TMEM43: variants seen among roughly 807,000 people sequenced by gnomAD.
TMEM43 encodes the protein transmembrane protein 43.
Under a neutral mutation model 49.6 loss-of-function variants are expected in TMEM43, and 45 were observed. The ratio of observed to expected loss-of-function variants is 0.91; its 90% CI spans 0.71 to 1.16. The LOEUF (loss-of-function observed/expected upper bound fraction) is 1.16, where lower values mean the gene tolerates loss of function less well. Among genes scored for constraint, TMEM43 ranks in the 50% most tolerant of loss-of-function variants. The pLI is 0.00. For synonymous variants in TMEM43, 199 were observed against 207.8 expected (o/e 0.96, Z 0.36); for missense variants, 532 against 516.6 (o/e 1.03, Z -0.29).
chr3:14,132,823 C>G, intron 5 of TMEM43, 43 bp from the exon 6 acceptor site: 1 of 1,593,038 alleles, frequency 6.3e-7, no homozygotes, highest in Non-Finnish European at 8.6e-7. Flanking sequence ...CAGCCGCGTG[C>G]CACTCCTACC....
Position 14,129,675 on chromosome 3 carries a change from G to A in TMEM43, c.162+114G>A. ...ATCAAGGGCCTAGATTTTAAAAAGA[G>A]AAAGGAGGATACTGAGTTAATCACA... On this transcript the variant is annotated intron_variant, in intron 2 of 11. Coordinates refer to ENST00000306077, the MANE Select transcript of TMEM43 (RefSeq NM_024334.3). 3 of 1,161,350 alleles carry A rather than the reference G, an allele frequency of 2.6e-6. No individual in the cohort carries two copies. The South Asian group carries it at 3.9e-5, about 15-fold the overall frequency. 71.9% of individuals were successfully genotyped at this position (1,161,350 alleles called of 1,614,324 possible). A position where few individuals can be genotyped will look rare whatever the true frequency, so the allele number is the denominator to read the frequency against.
At chr3:14,138,121 G>A (rs1336633272) in intron 10 of TMEM43, among the ~76,000 whole-genome samples, 3 of 152,176 alleles carry the variant, frequency 2.0e-5, no homozygotes, top group Non-Finnish European at 4.4e-5. Flanking sequence ...AGAGGGTCAG[G>A]GAAAGCCCTC....
In TMEM43 at chr3:14,125,154, C is replaced by A; in HGVS notation, c.-40C>A. 6.2e-7 allele frequency: 1 copy of A among 1,608,804 alleles called. No individual in the cohort carries two copies. The stretch of plus-strand genomic sequence containing the variant: ...CTCCAGTCGTCAGCCCACTTCCTAG[C>A]TGAACAGCGCGAGGCGGCGGCAGCG... On this transcript the variant is annotated 5_prime_UTR_variant, in exon 1 of 12. The change creates a new upstream start codon in the 5' untranslated region. Coordinates refer to ENST00000306077, the MANE Select transcript of TMEM43 (RefSeq NM_024334.3).
At chr3:14,133,688 G>A (rs746029662) in intron 6 of TMEM43, 51 bp from the exon 7 acceptor site, 21 of 1,575,266 alleles carry the variant, frequency 1.3e-5, no homozygotes, top group Non-Finnish European at 1.7e-5. Flanking sequence ...AAAGGGACCC[G>A]GGCAGCTCCC....
chr3:14,129,577 T>C lies in TMEM43; in HGVS notation c.162+16T>C. On this transcript the variant is annotated intron_variant, in intron 2 of 11. Transcript: ENST00000306077. The stretch of plus-strand genomic sequence containing the variant: ...CACCAATGAGGTAAAATGTCTGGGG[T>C]CTTCCTGTGCAGAGTGAGAGTCCCC... 1 of 1,613,890 alleles carries C rather than the reference T, an allele frequency of 6.2e-7. No homozygotes were observed. Among genetic ancestry groups the C allele is most frequent in the South Asian group, 1.1e-5 (1 of 91,052 alleles).
rs1559364382 is a variant in TMEM43 at position 14,143,490 on chromosome 3, T to C, written c.*1695T>C. ...GCTTTCGGAAAACACGCTGTATACC[T>C]AGATGATGACTAAATGCAAAATCCT... On this transcript the variant is annotated 3_prime_UTR_variant, in exon 12 of 12. Coordinates refer to ENST00000306077, the MANE Select transcript of TMEM43 (RefSeq NM_024334.3). 6.6e-6 allele frequency: 1 copy of C among 152,250 alleles called. No homozygotes were observed. The highest frequency in any genetic ancestry group is 2.4e-5 in the African/African-American group (1 of 41,464). 9.4% of individuals were successfully genotyped at this position (152,250 alleles called of 1,614,324 possible). A position where few individuals can be genotyped will look rare whatever the true frequency, so the allele number is the denominator to read the frequency against.
chr3:14,135,766 G>T (rs766940580), intron 9 of TMEM43, 41 bp from the exon 10 acceptor site: 2 of 1,572,076 alleles, frequency 1.3e-6, no homozygotes, highest in Non-Finnish European at 1.7e-6. Context: ...CGTGTCTCCC[G>T]CTGGTCACCC....
intron 1 of TMEM43, among the ~76,000 whole-genome samples, chr3:14,126,910 C>G (rs144065756): frequency 6.6e-6 from 1 of 152,304 alleles, no homozygotes; most frequent in Non-Finnish European, 1.5e-5. Context: ...TACTATTCCC[C>G]TCTCCACTTT....
chr3:14,143,451 A>G lies in TMEM43; in HGVS notation c.*1656A>G, dbSNP rs989356922. 1 of 152,240 alleles carries G rather than the reference A, an allele frequency of 6.6e-6. No homozygotes were observed. Among genetic ancestry groups the G allele is most frequent in the Non-Finnish European group, 1.5e-5 (1 of 68,044 alleles). The allele number at this position is 152,240 out of a possible 1,614,324, so 9.4% of individuals were successfully genotyped here. A position where few individuals can be genotyped will look rare whatever the true frequency, so the allele number is the denominator to read the frequency against. On this transcript the variant is annotated 3_prime_UTR_variant, in exon 12 of 12. Transcript: ENST00000306077. Reference sequence around the variant, plus strand: ...CATGAGCAATTTCATCAAATCTCCAAACTCTTAAAGGATGCTTTCGGAAAA... The same window carrying G: ...CATGAGCAATTTCATCAAATCTCCAGACTCTTAAAGGATGCTTTCGGAAAA...
Position 14,130,813 on chromosome 3 carries a change from T to A in TMEM43, c.163-9T>A. 6.2e-7 allele frequency: 1 copy of A among 1,613,592 alleles called. No homozygotes were observed. On this transcript the variant is annotated splice_polypyrimidine_tract_variant and intron_variant, in intron 2 of 11. Transcript: ENST00000306077. ...AGCTGTTGAAATCCCCACTCCCCTT[T>A]GCTCCCAGGGCCGCGCATTGAAGAC...
intron 1 of TMEM43, among the ~76,000 whole-genome samples, chr3:14,126,849 A>T (rs1695027724): frequency 6.6e-6 from 1 of 152,228 alleles, no homozygotes; most frequent in Admixed American, 6.5e-5. Context: ...TGGAGCAGGG[A>T]GGCAACAAAA....
chr3:14,126,760 A>G (rs544943797), intron 1 of TMEM43, among the ~76,000 whole-genome samples: 16 of 152,316 alleles, frequency 1.1e-4, no homozygotes, highest in Non-Finnish European at 2.1e-4. Flanking sequence ...CTCTGCTGCC[A>G]AGCATTTTTT....
Position 14,133,610 on chromosome 3 carries a change from G to A in TMEM43, c.513-129G>A, listed in dbSNP as rs1695127246. The A allele has an allele frequency of 3.5e-5, 30 of 854,526 alleles. No homozygotes were observed. The South Asian group carries it at 4.0e-4, about 11-fold the overall frequency. 52.9% of individuals were successfully genotyped at this position (854,526 alleles called of 1,614,324 possible). On this transcript the variant is annotated intron_variant, in intron 6 of 11. Transcript: ENST00000306077. ...TGGGGGTGGACAGGACAAGATGTCT[G>A]CTGCGCCTGGGCTAATCTGGACTTG...
At chr3:14,138,738 G>T (rs901158918) in intron 10 of TMEM43, among the ~76,000 whole-genome samples, 2 of 152,240 alleles carry the variant, frequency 1.3e-5, no homozygotes, top group Non-Finnish European at 2.9e-5. Flanking sequence ...GCATCTAATG[G>T]ACAGGAAGAG....
At chr3:14,134,997 C>G in intron 8 of TMEM43, 106 bp downstream of exon 8, 2 of 1,564,334 alleles carry the variant, frequency 1.3e-6, no homozygotes, top group Non-Finnish European at 1.8e-6. Context: ...TGCACTTGGC[C>G]AAGTGCAGCT....
chr3:14,129,334 ATTGAGTATAAATAAATAGC>A, intron 1 of TMEM43, 59 bp from the exon 2 acceptor site: 1 of 849,710 alleles, frequency 1.2e-6, no homozygotes, highest in Non-Finnish European at 1.7e-6. Flanking sequence ...AAAAAAAAAA[ATTGAGTATAAATAAATAGC>A]AAATTTAATT....
In TMEM43 at chr3:14,142,081, A is replaced by T. The variant is rs895479083; in HGVS notation, c.*286A>T. On this transcript the variant is annotated 3_prime_UTR_variant, in exon 12 of 12. Transcript: ENST00000306077. The stretch of plus-strand genomic sequence containing the variant: ...GCTGTTTCCTTCCTCTCTTGGACTG[A>T]GTGGGTACGGCCAGCCACTCAGCCC... The T allele has an allele frequency of 4.2e-6, 2 of 475,396 alleles. No individual in the cohort carries two copies. The highest frequency in any genetic ancestry group is 3.9e-5 in the African/African-American group (2 of 51,168). The allele number at this position is 475,396 out of a possible 1,614,324, so 29.4% of individuals were successfully genotyped here. A position where few individuals can be genotyped will look rare whatever the true frequency, so the allele number is the denominator to read the frequency against.
At chr3:14,127,971 T>C (rs1336623671) in intron 1 of TMEM43, among the ~76,000 whole-genome samples, 3 of 152,148 alleles carry the variant, frequency 2.0e-5, no homozygotes, top group African/African-American at 7.2e-5. Flanking sequence ...GCCAGCCCAG[T>C]ATCAGTTGTA....
intron 10 of TMEM43, chr3:14,136,116 A>C: frequency 1.5e-6 from 1 of 664,886 alleles, no homozygotes. Context: ...AGGTATTTGT[A>C]TATACATAAT....
Sources: gnomAD v4.1 joint callset for allele counts (sites outside exome capture counted in the v4.1 genomes callset) on GRCh38, gnomAD v4.1.1 for gene constraint, MANE v1.5 for transcripts, NCBI Gene and HGNC (gene_info 2026-07-23, HGNC 2026-07-21) for gene names.